Variants in G3BP2 observed in about 807,000 individuals in gnomAD.
G3BP2 encodes G3BP stress granule assembly factor 2.
A neutral mutation model predicts 56.7 loss-of-function variants in G3BP2; 11 were observed. That is an observed-to-expected ratio of 0.19 (90% CI 0.12 to 0.32). The LOEUF (loss-of-function observed/expected upper bound fraction) is 0.32. Among genes scored for constraint, G3BP2 ranks in the 10% least tolerant of loss-of-function variants. G3BP2 has a pLI of 1.00. For synonymous variants in G3BP2, 165 were observed against 191.6 expected, an observed-to-expected ratio of 0.86 and a Z score of 1.15; for missense variants, 340 against 610.9, an observed-to-expected ratio of 0.56 and a Z score of 4.67.
Position 75,673,395 on chromosome 4 carries a change from G to A in G3BP2, c.-212C>T. On this transcript the variant is annotated 5_prime_UTR_variant, in exon 1 of 12. Transcript: ENST00000359707. ...CCGGGCGCCAGGCGCTGCGACGTGC[G>A]ACAAGGACCACGGACGTCCCGCCCC... The A allele has an allele frequency of 3.2e-6, 4 of 1,232,070 alleles. No homozygotes were observed. The highest frequency in any genetic ancestry group is 1.6e-5 in the African/African-American group (1 of 64,416). The allele number at this position is 1,232,070 out of a possible 1,614,324, so 76.3% of individuals were successfully genotyped here. A position where few individuals can be genotyped will look rare whatever the true frequency, so the allele number is the denominator to read the frequency against.
intron 3 of G3BP2, among the ~76,000 whole-genome samples, chr4:75,713,187 A>C (rs1439701693): frequency 6.6e-6 from 1 of 152,168 alleles, no homozygotes; most frequent in Non-Finnish European, 1.5e-5. Context: ...ACAAGAAAAT[A>C]ATTCATTTCC....
chr4:75,645,700 C>T lies in G3BP2; in HGVS notation c.1179G>A (p.Pro393=), dbSNP rs141045025. 5.0e-6 allele frequency: 8 copies of T among 1,613,092 alleles called. No individual in the cohort carries two copies. The African/African-American group carries it at 5.4e-5, about 11-fold the overall frequency. Reference sequence around the variant, plus strand: ...AACGTACTTCCCCTCGAAACATAATCGGCTTTATAAAAGAGAAGAAAAATA... The same window carrying T: ...AACGTACTTCCCCTCGAAACATAATTGGCTTTATAAAAGAGAAGAAAAATA... The part of the protein sequence containing the change: ...EPVQRILIAK[P]IMFRGEVRLN... The change falls in exon 12 of 12, where the codon CCG becomes CCA. Residue 393 remains proline, a splice_region_variant and synonymous_variant. Transcript: ENST00000359707.
intron 3 of G3BP2, among the ~76,000 whole-genome samples, chr4:75,699,861 A>G (rs1284356282): frequency 6.6e-6 from 1 of 152,180 alleles, no homozygotes; most frequent in Non-Finnish European, 1.5e-5. Flanking sequence ...AGAATGTAGG[A>G]AATGGGAAAC....
At chr4:75,697,997 T>C (rs779639150) in intron 3 of G3BP2, among the ~76,000 whole-genome samples, 10 of 152,206 alleles carry the variant, frequency 6.6e-5, no homozygotes, top group Non-Finnish European at 1.3e-4. Flanking sequence ...CATTTTTATA[T>C]ATAAGTATAA....
intron 1 of G3BP2, among the ~76,000 whole-genome samples, chr4:75,662,711 A>T (rs1400213250): frequency 6.6e-6 from 1 of 152,226 alleles, no homozygotes; most frequent in African/African-American, 2.4e-5. Context: ...GGGAAATAGC[A>T]TCTTTGTTCA....
chr4:75,658,550 A>T (rs1254715410), intron 3 of G3BP2, among the ~76,000 whole-genome samples: 2 of 151,962 alleles, frequency 1.3e-5, no homozygotes, highest in African/African-American at 4.8e-5. Flanking sequence ...CAACATAGAG[A>T]AACCCCGTCT....
At chr4:75,662,283 C>T (rs978109004) in intron 1 of G3BP2, 4 of 281,282 alleles carry the variant, frequency 1.4e-5, no homozygotes, top group South Asian at 5.0e-5. Context: ...AGTGCAATGG[C>T]GCAATCTCAG....
intron 3 of G3BP2, among the ~76,000 whole-genome samples, chr4:75,680,219 C>T (rs1255268430): frequency 6.6e-6 from 1 of 152,134 alleles, no homozygotes; most frequent in Non-Finnish European, 1.5e-5. Context: ...GTTCATCAGT[C>T]TCTTATAGAT....
intron 3 of G3BP2, among the ~76,000 whole-genome samples, chr4:75,716,457 G>A (rs2149115996): frequency 6.6e-6 from 1 of 152,132 alleles, no homozygotes; most frequent in Admixed American, 6.5e-5. Context: ...TTACAGGCGT[G>A]AGCCACCACA....
rs904789324 is a variant in G3BP2, at chr4:75,644,034, G to T, written c.*1396C>A. Reference sequence around the variant, plus strand: ...GGGTGCTGACATCAGTTCAAGAATTGTGCAAAATGAATGACAGTTCCCTGC... The same window carrying T: ...GGGTGCTGACATCAGTTCAAGAATTTTGCAAAATGAATGACAGTTCCCTGC... On this transcript the variant is annotated 3_prime_UTR_variant, in exon 12 of 12. Coordinates refer to ENST00000359707, the MANE Select transcript of G3BP2 (RefSeq NM_203505.3). 1.3e-5 allele frequency: 2 copies of T among 152,554 alleles called. No homozygotes were observed. Among genetic ancestry groups the T allele is most frequent in the African/African-American group, 4.8e-5 (2 of 41,444 alleles). 9.5% of individuals were successfully genotyped at this position (152,554 alleles called of 1,614,324 possible).
chr4:75,714,998 T>C (rs946032398), intron 3 of G3BP2, among the ~76,000 whole-genome samples: 1 of 152,196 alleles, frequency 6.6e-6, no homozygotes, highest in Non-Finnish European at 1.5e-5. Flanking sequence ...GGTAATCCAA[T>C]TGATACAGCA....
At position 75,658,877 on chromosome 4, in the gene G3BP2, C is replaced by T. The variant is rs756221673; in HGVS notation, c.143G>A (p.Ser48Asn). ...SSYVHGGVDA[S>N]GKPQEAVYGQ... ...ATAAACAGCTTCCTGGGGCTTTCCA[C>T]TAGCATCTACTCCACCATGAACATA... The change falls in exon 3 of 12, where the codon AGT becomes AAT. Residue 48 changes from serine (S) to asparagine (N), a missense_variant. Ser to Asn is a conservative substitution (Grantham distance 46). Around this residue, in one of 4 missense-constraint regions of G3BP2, gnomAD observed 21 missense variants for 83.7 expected, o/e 0.25. Coordinates refer to ENST00000359707, the MANE Select transcript of G3BP2 (RefSeq NM_203505.3). 1 of 1,612,878 alleles carries T rather than the reference C, an allele frequency of 6.2e-7. No homozygotes were observed. The highest frequency in any genetic ancestry group is 1.6e-4 in the Middle Eastern group (1 of 6,084).
At chr4:75,702,427 G>C (rs1719385302) in intron 3 of G3BP2, among the ~76,000 whole-genome samples, 1 of 152,160 alleles carries the variant, frequency 6.6e-6, no homozygotes, top group South Asian at 2.1e-4. Flanking sequence ...ACAGGCGTGA[G>C]CCACCACGCC....
At chr4:75,691,518 A>G (rs1250954012) in intron 3 of G3BP2, among the ~76,000 whole-genome samples, 1 of 152,160 alleles carries the variant, frequency 6.6e-6, no homozygotes, top group East Asian at 1.9e-4. Flanking sequence ...CCAAAGGTAC[A>G]TTTTCATTTG....
At chr4:75,675,887 A>C (rs564353459), upstream of G3BP2, among the ~76,000 whole-genome samples, 4 of 150,430 alleles carry the variant, frequency 2.7e-5, no homozygotes, top group East Asian at 7.7e-4. Context: ...TTTGAGCGCC[A>C]CGTATGGTTT....
intron 1 of G3BP2, among the ~76,000 whole-genome samples, chr4:75,723,288 G>A (rs1300945384): frequency 1.3e-5 from 2 of 152,160 alleles, no homozygotes; most frequent in Non-Finnish European, 2.9e-5. Context: ...ACAGAATGGG[G>A]AACAACTGGA....
At chr4:75,717,915 T>C (rs982189278) in intron 3 of G3BP2, among the ~76,000 whole-genome samples, 40 of 151,884 alleles carry the variant, frequency 2.6e-4, no homozygotes, top group African/African-American at 9.4e-4. Context: ...CTGAGGCGGG[T>C]GGGTCACGAG....
rs145991216 is a variant in G3BP2 at position 75,722,728 on chromosome 4, G to A, written c.-165-484C>T. ...TTTAAAGCAGAGGACAATGCTTAGC[G>A]CACAGTATTTTTGGCAGTATGACCC... On this transcript the variant is annotated intron_variant, in intron 1 of 3. Coordinates refer to the G3BP2 transcript ENST00000499709. Among the ~76,000 whole-genome samples, 305 of 152,244 alleles carry A rather than the reference G, an allele frequency of 2.0e-3. 1 individual carries two copies. Among genetic ancestry groups the A allele is most frequent in the African/African-American group, 7.0e-3 (289 of 41,542 alleles).
intron 3 of G3BP2, among the ~76,000 whole-genome samples, chr4:75,680,644 C>T (rs1010090771): frequency 6.6e-6 from 1 of 152,184 alleles, no homozygotes; most frequent in African/African-American, 2.4e-5. Context: ...CCTCTTGGGA[C>T]AAATACTTGG....
Sources: allele counts gnomAD v4.1 joint callset (sites outside exome capture counted in the v4.1 genomes callset), GRCh38; gene constraint gnomAD v4.1.1; regional missense constraint gnomAD v4.1.1; transcripts MANE v1.5; gene names NCBI Gene and HGNC (gene_info 2026-07-23, HGNC 2026-07-21).